ZFAND4: variants seen among roughly 807,000 people sequenced by gnomAD.
The protein encoded by ZFAND4 is zinc finger AN1-type containing 4.
A neutral mutation model predicts 64.4 loss-of-function variants in ZFAND4; 43 were observed. That is an observed-to-expected ratio of 0.67 (90% CI 0.52 to 0.86). The LOEUF (loss-of-function observed/expected upper bound fraction) is 0.86, where lower values mean the gene tolerates loss of function less well. Among genes scored for constraint, ZFAND4 ranks in the 40% least tolerant of loss-of-function variants. The pLI, the probability that ZFAND4 is intolerant of heterozygous loss-of-function variation, is 0.00. For synonymous variants in ZFAND4, 296 were observed against 305.7 expected, an observed-to-expected ratio of 0.97 and a Z score of 0.33; for missense variants, 929 against 859.8, an observed-to-expected ratio of 1.08 and a Z score of -1.01.
chr10:45,646,617 C>T (rs2047402243), intron 5 of ZFAND4, among the ~76,000 whole-genome samples: 1 of 152,046 alleles, frequency 6.6e-6, no homozygotes, highest in South Asian at 2.1e-4. Context: ...AATGACGTTT[C>T]AAGCAAAGGA....
chr10:45,668,608 C>A (rs911215893), intron 1 of ZFAND4, among the ~76,000 whole-genome samples: 3 of 152,180 alleles, frequency 2.0e-5, no homozygotes, highest in African/African-American at 7.2e-5. Context: ...CTTCTCAGCA[C>A]CACATCGCAC....
At position 45,648,447 on chromosome 10, in the gene ZFAND4, T is replaced by C. The variant is rs1456197610; in HGVS notation, c.416A>G (p.Gln139Arg). 1 of 1,613,852 alleles carries C rather than the reference T, an allele frequency of 6.2e-7. No homozygotes were observed. Among genetic ancestry groups the C allele is most frequent in the Non-Finnish European group, 8.5e-7 (1 of 1,179,926 alleles). ...EVWEKTSCSK[Q>R]VTFLVYQEGD... is the part of the protein sequence containing the mutation. ...TTCTTGGTATACCAAAAATGTAACT[T>C]GTTTGCTGCAGGAGGTCTTCTCCCA... The change falls in exon 5 of 10, where the codon CAA (glutamine) becomes CGA (arginine). Residue 139 changes from glutamine (Q) to arginine (R), a missense_variant. Gln to Arg is a conservative substitution (Grantham distance 43). Coordinates refer to ENST00000344646, the MANE Select transcript of ZFAND4 (RefSeq NM_174890.4).
chr10:45,656,522 AAAAGAAAAGAAAAAAGAAAG>A (rs2048130633), intron 2 of ZFAND4, among the ~76,000 whole-genome samples: 1 of 148,802 alleles, frequency 6.7e-6, no homozygotes, highest in Non-Finnish European at 1.5e-5. Context: ...AAAAAAAAAA[AAAAGAAAAGAAAAAAGAAAG>A]AAAGAAAAGA....
chr10:45,618,308 A>C, intron 8 of ZFAND4, 48 bp from the exon 9 acceptor site: 1 of 1,591,658 alleles, frequency 6.3e-7, no homozygotes, highest in Non-Finnish European at 8.5e-7. Context: ...AAAATCCTAA[A>C]CATGAAATAT....
chr10:45,638,300 G>A (rs562971419), intron 6 of ZFAND4, among the ~76,000 whole-genome samples: 198 of 150,472 alleles, frequency 1.3e-3, no homozygotes, highest in African/African-American at 4.1e-3. Context: ...TGGCTAATAC[G>A]GTGAAACCCC....
intron 2 of ZFAND4, among the ~76,000 whole-genome samples, chr10:45,654,439 T>C (rs1444679487): frequency 1.3e-5 from 2 of 151,960 alleles, no homozygotes. Context: ...GCCAACATGG[T>C]GAAACCCCGT....
intron 1 of ZFAND4, among the ~76,000 whole-genome samples, chr10:45,664,867 C>A (rs945452784): frequency 2.0e-5 from 3 of 151,720 alleles, no homozygotes; most frequent in African/African-American, 7.3e-5. Flanking sequence ...GGAGGCAGAG[C>A]TTGCGGTGAG....
At chr10:45,620,436 G>C (rs892208937) in intron 8 of ZFAND4, among the ~76,000 whole-genome samples, 2 of 152,120 alleles carry the variant, frequency 1.3e-5, no homozygotes, top group African/African-American at 4.8e-5. Flanking sequence ...AGCCGAGATC[G>C]TGCCACTGCA....
intron 4 of ZFAND4, among the ~76,000 whole-genome samples, chr10:45,649,187 C>T (rs1453641321): frequency 6.7e-6 from 1 of 150,356 alleles, no homozygotes; most frequent in Non-Finnish European, 1.5e-5. Context: ...CACACACACA[C>T]ACAATTAGGA....
chr10:45,623,504 T>C (rs1181565029), intron 8 of ZFAND4, among the ~76,000 whole-genome samples: 3 of 152,138 alleles, frequency 2.0e-5, no homozygotes, highest in Admixed American at 2.0e-4. Flanking sequence ...TGCTACTACA[T>C]GGGTAAACTT....
intron 6 of ZFAND4, among the ~76,000 whole-genome samples, chr10:45,633,626 A>G (rs2046364978): frequency 6.6e-6 from 1 of 151,996 alleles, no homozygotes; most frequent in African/African-American, 2.4e-5. Flanking sequence ...ATGAGGAAAT[A>G]CCAACTAAAA....
rs546975142 is a variant in ZFAND4, at chr10:45,651,867, T to C, written c.328+99A>G. 6.9e-5 allele frequency: 73 copies of C among 1,058,696 alleles called. No homozygotes were observed. The Admixed American group carries it at 1.4e-3, about 20-fold the overall frequency. The allele number at this position is 1,058,696 out of a possible 1,614,324, so 65.6% of individuals were successfully genotyped here. A position where few individuals can be genotyped will look rare whatever the true frequency, so the allele number is the denominator to read the frequency against. On this transcript the variant is annotated intron_variant, in intron 4 of 9. Transcript: ENST00000344646. ...CAAATGTGATTTTTCTAAGACCTAA[T>C]AGCAGAAAGGAAACCTAAATAAAAC...
chr10:45,657,943 T>C (rs1296025241), intron 2 of ZFAND4, among the ~76,000 whole-genome samples: 3 of 152,162 alleles, frequency 2.0e-5, no homozygotes, highest in African/African-American at 7.2e-5. Context: ...GAGGAAGGGA[T>C]TGACCACAAA....
At chr10:45,645,607 A>G (rs75605891) in intron 5 of ZFAND4, among the ~76,000 whole-genome samples, 9,109 of 152,300 alleles carry the variant, frequency 0.06, 397 homozygotes, top group African/African-American at 0.12. Context: ...ATAAAACAAT[A>G]TTTATATGTG....
At position 45,629,834 on chromosome 10, in the gene ZFAND4, G is replaced by A. The variant is rs568957752; in HGVS notation, c.718-2729C>T. On this transcript the variant is annotated intron_variant, in intron 6 of 9. Transcript: ENST00000344646. ...GTCAAGATCATGCCACTACACCCCA[G>A]CCTGGATGATAGAGCAAGACCCCAT... 2.1e-4 allele frequency among the ~76,000 whole-genome samples: 32 copies of A among 152,178 alleles called. No individual in the cohort carries two copies. The South Asian group carries it at 5.4e-3, about 26-fold the overall frequency.
chr10:45,622,751 T>A (rs902809444), intron 8 of ZFAND4, among the ~76,000 whole-genome samples: 1 of 152,214 alleles, frequency 6.6e-6, no homozygotes, highest in African/African-American at 2.4e-5. Context: ...AGATACTTCA[T>A]TGGGTTTTAT....
intron 3 of ZFAND4, 77 bp downstream of exon 3, chr10:45,652,907 G>T: frequency 8.9e-7 from 1 of 1,120,242 alleles, no homozygotes; most frequent in Non-Finnish European, 1.3e-6. Context: ...TGATCTAAGA[G>T]TTCAAAAGAA....
At chr10:45,657,159 G>A (rs1485690795) in intron 2 of ZFAND4, among the ~76,000 whole-genome samples, 3 of 151,904 alleles carry the variant, frequency 2.0e-5, no homozygotes. Flanking sequence ...GACTACAGGC[G>A]CATGCCACCA....
intron 5 of ZFAND4, among the ~76,000 whole-genome samples, chr10:45,647,430 T>G (rs1213197859): frequency 4.0e-5 from 6 of 151,802 alleles, no homozygotes; most frequent in East Asian, 1.9e-4. Context: ...AGCTGTTTTT[T>G]TTTTTTTTTT....
Sources: allele counts gnomAD v4.1 joint callset (sites outside exome capture counted in the v4.1 genomes callset), GRCh38; gene constraint gnomAD v4.1.1; transcripts MANE v1.5; gene names NCBI Gene and HGNC (gene_info 2026-07-23, HGNC 2026-07-21).